Variants in COA7 observed in about 807,000 individuals in gnomAD.
COA7 encodes the protein Sel1 repeat containing 1.
A neutral mutation model predicts 21.0 loss-of-function variants in COA7; 12 were observed. The ratio of observed to expected loss-of-function variants is 0.57; its 90% confidence interval spans 0.37 to 0.92. COA7 has a LOEUF of 0.92. COA7 is among the 40% of genes least tolerant of loss of function. The pLI is 0.01. For missense variants in COA7, 240 were observed against 286.1 expected (o/e 0.84, Z 1.16); for synonymous variants, 95 against 107.4 (o/e 0.88, Z 0.72).
intron 1 of COA7, among the ~76,000 whole-genome samples, chr1:52,693,317 C>T (rs1436778208): frequency 6.6e-6 from 1 of 152,122 alleles, no homozygotes; most frequent in Non-Finnish European, 1.5e-5. Context: ...GTAGCTCATG[C>T]CTGTAATCCC....
Position 52,687,530 on chromosome 1 carries a change from A to G in COA7, c.*190T>C. 1 of 612,500 alleles carries G rather than the reference A, an allele frequency of 1.6e-6. No individual in the cohort carries two copies. The highest frequency in any genetic ancestry group is 2.9e-6 in the Non-Finnish European group (1 of 340,216). 37.9% of individuals were successfully genotyped at this position (612,500 alleles called of 1,614,324 possible). On this transcript the variant is annotated 3_prime_UTR_variant, in exon 3 of 3. Coordinates refer to ENST00000371538, the MANE Select transcript of COA7 (RefSeq NM_023077.3). ...GTACAGAACACCCAGATAAAGGAAT[A>G]TTGACTGAAATAAACATTGTAGGCT...
chr1:52,697,216 A>G (rs538009389), intron 1 of COA7, among the ~76,000 whole-genome samples: 1 of 152,320 alleles, frequency 6.6e-6, no homozygotes. Flanking sequence ...TGGACAACGT[A>G]GTGACATACT....
At chr1:52,696,946 C>T (rs1163477038) in intron 1 of COA7, among the ~76,000 whole-genome samples, 3 of 151,322 alleles carry the variant, frequency 2.0e-5, no homozygotes, top group East Asian at 2.0e-4. Flanking sequence ...CCTGTCTCTA[C>T]GAAAATACAA....
chr1:52,689,632 G>A (rs1348363310), intron 2 of COA7, among the ~76,000 whole-genome samples: 1 of 151,974 alleles, frequency 6.6e-6, no homozygotes, highest in East Asian at 2.0e-4. Flanking sequence ...ACTCACGCCT[G>A]TAATCCCAGC....
chr1:52,689,160 A>T (rs184512672), intron 2 of COA7, among the ~76,000 whole-genome samples: 3,766 of 145,690 alleles, frequency 0.026, 107 homozygotes, highest in Admixed American at 0.063. Flanking sequence ...TATTATTATT[A>T]TTTTTTTTTT....
Position 52,687,681 on chromosome 1 carries a change from C to T in COA7, c.*39G>A. 1 of 1,588,252 alleles carries T rather than the reference C, an allele frequency of 6.3e-7. No homozygotes were observed. On this transcript the variant is annotated 3_prime_UTR_variant, in exon 3 of 3. Transcript: ENST00000371538. The stretch of plus-strand genomic sequence containing the variant: ...GTCTTCAGAAACAGGAGCTGCCAGC[C>T]TCAAGCAGTTTGTTGCCTGGGAGGG...
At position 52,685,240 on chromosome 1, in the gene COA7, G is replaced by A. The variant is rs190648955; in HGVS notation, c.*2480C>T. 5 of 152,330 alleles carry A rather than the reference G, an allele frequency of 3.3e-5. No individual in the cohort carries two copies. The highest frequency in any genetic ancestry group is 7.3e-5 in the Non-Finnish European group (5 of 68,038). 9.4% of individuals were successfully genotyped at this position (152,330 alleles called of 1,614,324 possible). A position where few individuals can be genotyped will look rare whatever the true frequency, so the allele number is the denominator to read the frequency against. On this transcript the variant is annotated 3_prime_UTR_variant, in exon 3 of 3. Transcript: ENST00000371538. ...TGCCATCTTGCGTTCCCACCAGCAA[G>A]GAATAAGAGTTCTGGTTGCTCCAAC...
chr1:52,698,197 C>T, intron 1 of COA7, 24 bp downstream of exon 1: 1 of 1,557,008 alleles, frequency 6.4e-7, no homozygotes, highest in Non-Finnish European at 8.8e-7. Context: ...CGACGCGTCG[C>T]CGGGCTGCGC....
chr1:52,689,594 T>A (rs1644029656), intron 2 of COA7, among the ~76,000 whole-genome samples: 2 of 152,096 alleles, frequency 1.3e-5, no homozygotes, highest in South Asian at 4.2e-4. Context: ...GTAATTGATT[T>A]AAAATACACA....
At chr1:52,690,303 C>T (rs1333152333) in intron 2 of COA7, among the ~76,000 whole-genome samples, 1 of 151,856 alleles carries the variant, frequency 6.6e-6, no homozygotes, top group Non-Finnish European at 1.5e-5. Flanking sequence ...AACATTTTAA[C>T]ATTATTCTTT....
chr1:52,691,883 G>A (rs979545113), intron 2 of COA7, among the ~76,000 whole-genome samples: 2 of 152,220 alleles, frequency 1.3e-5, no homozygotes, highest in African/African-American at 4.8e-5. Flanking sequence ...ATATGTGATA[G>A]AAATGAAAAG....
Position 52,698,145 on chromosome 1 carries a change from C to T in COA7, c.106+76G>A. The T allele has an allele frequency of 3.8e-6, 4 of 1,055,872 alleles. No individual in the cohort carries two copies. The South Asian group carries it at 5.1e-5, about 14-fold the overall frequency. 65.4% of individuals were successfully genotyped at this position (1,055,872 alleles called of 1,614,324 possible). A position where few individuals can be genotyped will look rare whatever the true frequency, so the allele number is the denominator to read the frequency against. On this transcript the variant is annotated intron_variant, in intron 1 of 2. Transcript: ENST00000371538. ...CGCCACGTGATTCCTTCTCCAGCCT[C>T]TCAGAGGTCGCAGACCAGACCTCTC...
At chr1:52,693,299 C>T (rs904075538) in intron 1 of COA7, among the ~76,000 whole-genome samples, 1 of 151,812 alleles carries the variant, frequency 6.6e-6, no homozygotes, top group Non-Finnish European at 1.5e-5. Flanking sequence ...GGTGCTGGGC[C>T]AGGCTCGGTA....
At chr1:52,689,481 T>A (rs1644028792) in intron 2 of COA7, among the ~76,000 whole-genome samples, 1 of 151,998 alleles carries the variant, frequency 6.6e-6, no homozygotes, top group African/African-American at 2.4e-5. Context: ...GATTTTTTTT[T>A]TAAGCTCATC....
chr1:52,685,512 A>C lies in COA7; in HGVS notation c.*2208T>G, dbSNP rs920898312. 3.3e-5 allele frequency: 5 copies of C among 151,774 alleles called. No homozygotes were observed. Among genetic ancestry groups the C allele is most frequent in the African/African-American group, 9.7e-5 (4 of 41,306 alleles). The allele number at this position is 151,774 out of a possible 1,614,324, so 9.4% of individuals were successfully genotyped here. A position where few individuals can be genotyped will look rare whatever the true frequency, so the allele number is the denominator to read the frequency against. On this transcript the variant is annotated 3_prime_UTR_variant, in exon 3 of 3. Transcript: ENST00000371538. ...TGTGGTTTTTGATTTACATTTCCCT[A>C]ATTAGTGATGTTGAACATATTTTCA...
chr1:52,688,558 C>A (rs1456948734), intron 2 of COA7, among the ~76,000 whole-genome samples: 1 of 152,086 alleles, frequency 6.6e-6, no homozygotes, highest in African/African-American at 2.4e-5. Context: ...AACAACAATT[C>A]CTGAATAAAG....
At position 52,687,801 on chromosome 1, in the gene COA7, G is replaced by A. The variant is rs904651174; in HGVS notation, c.615C>T (p.Ala205=). ...KLGDGVDKDE[A]KAEVLKNRAQ... Reference sequence around the variant, plus strand: ...CTCGATTTTTTAGCACCTCGGCCTTGGCCTCATCCTTATCAACACCATCCC... The same window carrying A: ...CTCGATTTTTTAGCACCTCGGCCTTAGCCTCATCCTTATCAACACCATCCC... The change falls in exon 3 of 3, where the codon GCC becomes GCT. Residue 205 remains alanine, a synonymous_variant. Transcript: ENST00000371538. The A allele has an allele frequency of 1.2e-6, 2 of 1,614,246 alleles. No homozygotes were observed. Among genetic ancestry groups the A allele is most frequent in the East Asian group, 2.2e-5 (1 of 44,886 alleles).
At chr1:52,698,039 C>T (rs915189569) in intron 1 of COA7, 182 bp downstream of exon 1, 1 of 579,952 alleles carries the variant, frequency 1.7e-6, no homozygotes, top group Non-Finnish European at 3.1e-6. Context: ...CCCGCCCCGG[C>T]CTCCTGGCTC....
intron 1 of COA7, among the ~76,000 whole-genome samples, chr1:52,695,644 C>T (rs908942773): frequency 6.6e-6 from 1 of 151,964 alleles, no homozygotes; most frequent in Non-Finnish European, 1.5e-5. Context: ...TTTAACATAA[C>T]AAAATTGAAA....
Sources: gnomAD v4.1 joint callset for allele counts (sites outside exome capture counted in the v4.1 genomes callset) on GRCh38, gnomAD v4.1.1 for gene constraint, MANE v1.5 for transcripts, NCBI Gene and HGNC (gene_info 2026-07-23, HGNC 2026-07-21) for gene names.